Variants in NFIB observed in about 807,000 individuals in gnomAD.
The protein encoded by NFIB is nuclear factor 1 B-type.
Under a neutral mutation model 61.5 loss-of-function variants are expected in NFIB, and 11 were observed. That is an observed-to-expected ratio of 0.18 (90% CI 0.11 to 0.30). The LOEUF is 0.30. Ranked by LOEUF, NFIB falls within the 10% of genes least tolerant of loss-of-function variation. The pLI is 1.00. For synonymous variants in NFIB, 260 were observed against 216.5 expected, an observed-to-expected ratio of 1.20 and a Z score of -1.76; for missense variants, 471 against 608.9, an observed-to-expected ratio of 0.77 and a Z score of 2.38.
At chr9:14,354,726 C>T (rs1041518603) in intron 1 of NFIB, among the ~76,000 whole-genome samples, 11 of 151,814 alleles carry the variant, frequency 7.2e-5, no homozygotes, top group Admixed American at 3.3e-4. Context: ...TACCTCATGG[C>T]AATTTTTTCC....
At position 14,364,655 on chromosome 9, in the gene NFIB, T is replaced by C. The variant is rs115674307; in HGVS notation, c.108+33869A>G. ...GATCAAAATAGTTTTAAAAATCTAGTCTTCAAAGGTGTGTGAAAAGTGACC... is the reference window on the plus strand; with the variant it reads ...GATCAAAATAGTTTTAAAAATCTAGCCTTCAAAGGTGTGTGAAAAGTGACC... On this transcript the variant is annotated intron_variant, in intron 1 of 8. Transcript: ENST00000380934. Among the ~76,000 whole-genome samples, 660 of 152,304 alleles carry C rather than the reference T, an allele frequency of 4.3e-3. 4 individuals are homozygous for C. Among genetic ancestry groups the C allele is most frequent in the African/African-American group, 0.015 (608 of 41,572 alleles).
At chr9:14,194,120 A>G (rs955740681) in intron 2 of NFIB, among the ~76,000 whole-genome samples, 4 of 152,362 alleles carry the variant, frequency 2.6e-5, no homozygotes, top group East Asian at 3.9e-4. Flanking sequence ...ATTTTAGTCA[A>G]TCTATGCCAC....
At chr9:14,158,648 A>G (rs2043756219) in intron 3 of NFIB, among the ~76,000 whole-genome samples, 1 of 152,248 alleles carries the variant, frequency 6.6e-6, no homozygotes, top group African/African-American at 2.4e-5. Flanking sequence ...ACACATTAAC[A>G]TCTTAGTCAT....
At chr9:14,161,598 A>C (rs1324792991) in intron 3 of NFIB, among the ~76,000 whole-genome samples, 1 of 152,034 alleles carries the variant, frequency 6.6e-6, no homozygotes, top group Non-Finnish European at 1.5e-5. Context: ...CCTTTTAGAT[A>C]AAGTTTTTCA....
chr9:14,091,937 CA>C (rs1563774681), intron 10 of NFIB, among the ~76,000 whole-genome samples: 1 of 151,752 alleles, frequency 6.6e-6, no homozygotes. Context: ...ATCAAAATTC[CA>C]AAAATAAAAT....
chr9:14,263,366 T>C (rs1016829818), intron 2 of NFIB, among the ~76,000 whole-genome samples: 1 of 152,176 alleles, frequency 6.6e-6, no homozygotes, highest in Non-Finnish European at 1.5e-5. Context: ...AGAAAAACTC[T>C]TCCAGAAGTT....
chr9:14,277,782 C>T (rs955282503), intron 2 of NFIB, among the ~76,000 whole-genome samples: 2 of 152,176 alleles, frequency 1.3e-5, no homozygotes, highest in African/African-American at 4.8e-5. Context: ...AAGGCTATAA[C>T]TCTGCTTTTC....
chr9:14,401,113 T>C (rs916527962), upstream of NFIB, among the ~76,000 whole-genome samples: 2 of 152,240 alleles, frequency 1.3e-5, no homozygotes, highest in Non-Finnish European at 2.9e-5. Flanking sequence ...TCAATAGATA[T>C]GACAGACAAT....
chr9:14,466,385 C>G, the NFIB span, among the ~76,000 whole-genome samples: 4 of 152,168 alleles, frequency 2.6e-5, no homozygotes, highest in Admixed American at 1.3e-4. Flanking sequence ...TGACAGCACA[C>G]TCTGCACTGG....
At chr9:14,426,181 C>G in the NFIB span, among the ~76,000 whole-genome samples, 1 of 78,336 alleles carries the variant, frequency 1.3e-5, no homozygotes, top group African/African-American at 3.5e-5. Flanking sequence ...CAATTCTTGG[C>G]TTAAAGAAAA....
the NFIB span, among the ~76,000 whole-genome samples, chr9:14,460,990 T>C: frequency 2.0e-5 from 3 of 148,730 alleles, no homozygotes; most frequent in Non-Finnish European, 3.0e-5. Context: ...AGCTTTTCTT[T>C]TGGCTTAGAG....
intron 1 of NFIB, chr9:14,362,707 G>T (rs2061254386): frequency 6.6e-6 from 1 of 152,114 alleles, no homozygotes; most frequent in African/African-American, 2.4e-5. Context: ...CCCAGCCTGG[G>T]CAACATAGAA....
intron 2 of NFIB, among the ~76,000 whole-genome samples, chr9:14,253,570 C>T (rs904915214): frequency 2.0e-5 from 3 of 152,146 alleles, no homozygotes; most frequent in African/African-American, 7.2e-5. Flanking sequence ...GGGCTCACAC[C>T]TGTTAGTCCC....
At chr9:14,479,704 C>T in the NFIB span, among the ~76,000 whole-genome samples, 1 of 152,190 alleles carries the variant, frequency 6.6e-6, no homozygotes, top group Non-Finnish European at 1.5e-5. Flanking sequence ...ACAAAGGCTT[C>T]GCATACCTTC....
the NFIB span, among the ~76,000 whole-genome samples, chr9:14,462,056 T>C: frequency 6.6e-6 from 1 of 152,176 alleles, no homozygotes; most frequent in Middle Eastern, 3.2e-3. Flanking sequence ...TCCTAACACC[T>C]TTTCTTAAAT....
intron 1 of NFIB, among the ~76,000 whole-genome samples, chr9:14,311,717 A>C (rs981264309): frequency 6.6e-6 from 1 of 152,206 alleles, no homozygotes; most frequent in African/African-American, 2.4e-5. Flanking sequence ...TAAAAATGCA[A>C]TGTAATTGCT....
At chr9:14,149,209 C>G (rs1395662532) in intron 5 of NFIB, among the ~76,000 whole-genome samples, 1 of 152,130 alleles carries the variant, frequency 6.6e-6, no homozygotes, top group African/African-American at 2.4e-5. Context: ...TTAACCGGAA[C>G]TGATATAAAA....
intron 10 of NFIB, among the ~76,000 whole-genome samples, chr9:14,098,135 CA>C (rs1240730504): frequency 6.6e-6 from 1 of 152,100 alleles, no homozygotes; most frequent in Non-Finnish European, 1.5e-5. Flanking sequence ...CGCAGAAACA[CA>C]AAAATCCTCC....
intron 2 of NFIB, among the ~76,000 whole-genome samples, chr9:14,215,210 T>C (rs2050728785): frequency 7.0e-6 from 1 of 142,194 alleles, no homozygotes; most frequent in African/African-American, 3.1e-5. Context: ...GACATCAACT[T>C]TCACATCAGT....
Sources: gnomAD v4.1 joint callset for allele counts (sites outside exome capture counted in the v4.1 genomes callset) on GRCh38, gnomAD v4.1.1 for gene constraint, MANE v1.5 for transcripts, NCBI Gene and HGNC (gene_info 2026-07-23, HGNC 2026-07-21) for gene names.